Variants in NSD1 observed in about 807,000 individuals in gnomAD.
The protein encoded by NSD1 is histone-lysine N-methyltransferase, H3 lysine-36 specific.
Under a neutral mutation model 242.7 loss-of-function variants are expected in NSD1, and 26 were observed. The observed-to-expected ratio is 0.11, with a 90% CI of 0.08 to 0.15. The LOEUF is 0.15. NSD1 is among the 10% of genes least tolerant of loss of function. The pLI is 1.00. For synonymous variants in NSD1, 1,106 were observed against 1,178.1 expected (o/e 0.94, Z 1.25); for missense variants, 2,495 against 3,272.8 (o/e 0.76, Z 5.80).
chr5:177,164,227 G>A (rs1234840518), intron 2 of NSD1, among the ~76,000 whole-genome samples: 5 of 144,828 alleles, frequency 3.5e-5, no homozygotes, highest in South Asian at 4.4e-4. Context: ...ATGGTTTCCC[G>A]CTCACTGCAA....
rs886038674 is a variant in NSD1 at position 177,211,175 on chromosome 5, C to A, written c.2776C>A (p.Arg926=). ...GCATGATAGTAAGACGAAGGAGCAG[C>A]GGTTGATGACTGCTCAAAACCTGGT... ...DMHDSKTKEQ[R]LMTAQNLVSY... The change falls in exon 5 of 23, where the codon CGG becomes AGG. Residue 926 remains arginine, a synonymous_variant. Transcript: ENST00000439151. 6 of 1,613,048 alleles carry A rather than the reference C, an allele frequency of 3.7e-6. No homozygotes were observed. The African/African-American group carries it at 6.7e-5, about 18-fold the overall frequency.
At chr5:177,271,595 A>C (rs1366979763) in intron 16 of NSD1, among the ~76,000 whole-genome samples, 1 of 152,228 alleles carries the variant, frequency 6.6e-6, no homozygotes, top group East Asian at 1.9e-4. Context: ...TTTACCAAGA[A>C]GGCATCACAT....
chr5:177,266,658 G>A, intron 14 of NSD1: 2 of 382,844 alleles, frequency 5.2e-6, no homozygotes, highest in Non-Finnish European at 4.5e-6. Flanking sequence ...ATTTTAAGAG[G>A]TGAAAGAAGC....
At chr5:177,229,007 A>AT (rs1355990308) in intron 5 of NSD1, among the ~76,000 whole-genome samples, 1 of 151,988 alleles carries the variant, frequency 6.6e-6, no homozygotes, top group South Asian at 2.1e-4. Flanking sequence ...TTCCCTGGAC[A>AT]TTTAATATTA....
rs529027268 is a variant in NSD1 at position 177,299,821 on chromosome 5, T to C, written c.*4362T>C. 165 of 233,324 alleles carry C rather than the reference T, an allele frequency of 7.1e-4. 1 individual carries two copies. The highest frequency in any genetic ancestry group is 3.6e-3 in the African/African-American group (162 of 45,436). 14.5% of individuals were successfully genotyped at this position (233,324 alleles called of 1,614,324 possible). ...GTAGAAGCAGAAATAAATGGTTCTA[T>C]GTTTTCAACTTCCAGGGTTGGGGCA... On this transcript the variant is annotated 3_prime_UTR_variant, in exon 23 of 23. Transcript: ENST00000439151.
chr5:177,277,495 C>T (rs746128409), intron 17 of NSD1, among the ~76,000 whole-genome samples: 20 of 152,114 alleles, frequency 1.3e-4, no homozygotes, highest in Non-Finnish European at 2.4e-4. Flanking sequence ...TTACTTAACT[C>T]CTGATCTATA....
intron 13 of NSD1, among the ~76,000 whole-genome samples, chr5:177,257,772 C>G (rs1407393847): frequency 1.3e-5 from 2 of 151,588 alleles, no homozygotes; most frequent in Non-Finnish European, 2.9e-5. Context: ...GTCCTCTTCC[C>G]CCTATTGATT....
chr5:177,252,539 C>CTT (rs70991600), intron 12 of NSD1, among the ~76,000 whole-genome samples: 911 of 47,404 alleles, frequency 0.019, 129 homozygotes, highest in African/African-American at 0.029. Flanking sequence ...GTAAAGTGTT[C>CTT]TTTTTTTTTT....
At chr5:177,189,315 G>C (rs895839542) in intron 2 of NSD1, among the ~76,000 whole-genome samples, 2 of 152,074 alleles carry the variant, frequency 1.3e-5, no homozygotes, top group Non-Finnish European at 2.9e-5. Flanking sequence ...ACTTTCTCTG[G>C]TTCTGTGGTT....
chr5:177,146,355 G>T (rs917543630), intron 2 of NSD1, among the ~76,000 whole-genome samples: 1 of 151,670 alleles, frequency 6.6e-6, no homozygotes, highest in South Asian at 2.1e-4. Flanking sequence ...ACAGGCGTGT[G>T]CTATGACGCC....
rs1356774332 is a variant in NSD1, at chr5:177,211,450, T to C, written c.3051T>C (p.Thr1017=). Residue 1017 remains threonine, a synonymous_variant, in exon 5 of 23, where the codon ACT becomes ACC. Coordinates refer to ENST00000439151, the MANE Select transcript of NSD1 (RefSeq NM_022455.5). ...GTAAAAGTCGTTCAGACTGTGTTAC[T>C]AGGCGCAACTGTGGACGATCAAAGC... ...ASGKSRSDCV[T]RRNCGRSKPS... is the part of the protein sequence containing the mutation. The C allele has an allele frequency of 2.5e-6, 4 of 1,614,036 alleles. No homozygotes were observed. In the African/African-American group the frequency reaches 5.3e-5, roughly 22 times the overall value.
At chr5:177,183,867 C>T (rs1051494985) in intron 2 of NSD1, among the ~76,000 whole-genome samples, 1 of 152,174 alleles carries the variant, frequency 6.6e-6, no homozygotes, top group Non-Finnish European at 1.5e-5. Flanking sequence ...TTAGTTCCCA[C>T]TAATAAGTGA....
chr5:177,166,525 A>G (rs997874079), intron 2 of NSD1, among the ~76,000 whole-genome samples: 1 of 151,422 alleles, frequency 6.6e-6, no homozygotes, highest in African/African-American at 2.4e-5. Flanking sequence ...AGCCTGGGTA[A>G]TAGAGTGAGA....
rs1202598537 is a variant in NSD1 at position 177,296,012 on chromosome 5, C to G, written c.*553C>G. 1 of 260,674 alleles carries G rather than the reference C, an allele frequency of 3.8e-6. No homozygotes were observed. The highest frequency in any genetic ancestry group is 7.5e-6 in the Non-Finnish European group (1 of 133,708). The allele number at this position is 260,674 out of a possible 1,614,324, so 16.1% of individuals were successfully genotyped here. On this transcript the variant is annotated 3_prime_UTR_variant, in exon 23 of 23. Coordinates refer to ENST00000439151, the MANE Select transcript of NSD1 (RefSeq NM_022455.5). ...TCAGGAACCTTTGACCAGGAAGTAACAGGAAGTTCTGAGGGGCCCTGGGGC... is the reference window on the plus strand; with the variant it reads ...TCAGGAACCTTTGACCAGGAAGTAAGAGGAAGTTCTGAGGGGCCCTGGGGC...
At position 177,207,593 on chromosome 5, in the gene NSD1, A is replaced by ATTTTTTTTTTTTTTTTTTTT. The variant is rs150492535; in HGVS notation, c.1237-2033_1237-2014dup. ...CACCGTGCCTGGCCTATTTATTTAA[A>ATTTTTTTTTTTTTTTTTTTT]TTTTTTTTTTTTTTTTTTTTTTTTT... On this transcript the variant is annotated intron_variant, in intron 4 of 22. Transcript: ENST00000439151. Among the ~76,000 whole-genome samples, 18 of 78,218 alleles carry ATTTTTTTTTTTTTTTTTTTT rather than the reference A, an allele frequency of 2.3e-4. 4 individuals carry two copies. The highest frequency in any genetic ancestry group is 1.2e-3 in the African/African-American group (17 of 14,180). 51.3% of individuals were successfully genotyped at this position (78,218 alleles called of 152,430 possible).
chr5:177,146,846 A>AT (rs1757289450), intron 2 of NSD1, among the ~76,000 whole-genome samples: 1 of 151,092 alleles, frequency 6.6e-6, no homozygotes, highest in Non-Finnish European at 1.5e-5. Flanking sequence ...TCTACTAAAA[A>AT]TAAAAAAAAA....
chr5:177,288,080 G>A (rs1759477904), intron 20 of NSD1, among the ~76,000 whole-genome samples: 1 of 152,108 alleles, frequency 6.6e-6, no homozygotes. Context: ...TCTTATATTT[G>A]GTAGGCCTCC....
chr5:177,263,251 A>G (rs975071237), intron 14 of NSD1, among the ~76,000 whole-genome samples: 25 of 152,344 alleles, frequency 1.6e-4, no homozygotes, highest in Admixed American at 9.2e-4. Flanking sequence ...CACTAAGGAG[A>G]TTTGTATTAT....
intron 5 of NSD1, among the ~76,000 whole-genome samples, chr5:177,223,147 T>C (rs562681167): frequency 2.9e-4 from 44 of 151,164 alleles, no homozygotes; most frequent in Admixed American, 6.0e-4. Flanking sequence ...CAGAGCCGGA[T>C]CTTGGCTCAC....
Sources: allele counts gnomAD v4.1 joint callset (sites outside exome capture counted in the v4.1 genomes callset), GRCh38; gene constraint gnomAD v4.1.1; transcripts MANE v1.5; gene names NCBI Gene and HGNC (gene_info 2026-07-23, HGNC 2026-07-21).